The following CYLD variants were observed in gnomAD, a reference collection of about 807,000 sequenced individuals.
CYLD encodes the protein ubiquitin carboxyl-terminal hydrolase CYLD.
Under a neutral mutation model 104.5 loss-of-function variants are expected in CYLD, and 26 were observed. That is an observed-to-expected ratio of 0.25 (90% CI 0.18 to 0.35). The LOEUF is 0.35. Ranked by LOEUF, CYLD falls within the 10% of genes least tolerant of loss-of-function variation. The pLI is 1.00. For missense variants in CYLD, 703 were observed against 1,136.1 expected, an observed-to-expected ratio of 0.62 and a Z score of 5.48; for synonymous variants, 385 against 399.9, an observed-to-expected ratio of 0.96 and a Z score of 0.45.
chr16:50,796,627 C>A lies in CYLD; in HGVS notation c.*119C>A. ...AATGGATGTCTTTGTGGTGATGATCCTTCAGAAAAGGATGCCTCTGTTTAA... is the reference window on the plus strand; with the variant it reads ...AATGGATGTCTTTGTGGTGATGATCATTCAGAAAAGGATGCCTCTGTTTAA... On this transcript the variant is annotated 3_prime_UTR_variant, in exon 19 of 19. Transcript: ENST00000427738. 1 of 1,062,142 alleles carries A rather than the reference C, an allele frequency of 9.4e-7. No individual in the cohort carries two copies. Among genetic ancestry groups the A allele is most frequent in the Non-Finnish European group, 1.4e-6 (1 of 698,222 alleles). The allele number at this position is 1,062,142 out of a possible 1,614,324, so 65.8% of individuals were successfully genotyped here.
Position 50,755,757 on chromosome 16 carries a change from A to T in CYLD, c.913+1333A>T, listed in dbSNP as rs151338312. On this transcript the variant is annotated intron_variant, in intron 5 of 18. Transcript: ENST00000427738. Reference sequence around the variant, plus strand: ...TGTTTTTTTCTTGCTGATTTGTTTGAGTTCTTTGTAGATTCTATATATTAG... The same window carrying T: ...TGTTTTTTTCTTGCTGATTTGTTTGTGTTCTTTGTAGATTCTATATATTAG... Among the ~76,000 whole-genome samples, 1,099 of 151,934 alleles carry T rather than the reference A, an allele frequency of 7.2e-3. 9 individuals carry two copies. The highest frequency in any genetic ancestry group is 0.025 in the African/African-American group (1,020 of 41,404).
intron 14 of CYLD, among the ~76,000 whole-genome samples, 167 bp from the exon 15 acceptor site, chr16:50,791,391 A>G (rs985999962): frequency 6.6e-6 from 1 of 152,252 alleles, no homozygotes; most frequent in African/African-American, 2.4e-5. Flanking sequence ...AGCACATTTA[A>G]TTATTTTATC....
Position 50,749,739 on chromosome 16 carries a change from C to T in CYLD, c.41C>T (p.Pro14Leu). 1 of 1,613,766 alleles carries T rather than the reference C, an allele frequency of 6.2e-7. No individual in the cohort carries two copies. Among genetic ancestry groups the T allele is most frequent in the Non-Finnish European group, 8.5e-7 (1 of 1,179,974 alleles). The change falls in exon 3 of 19, where the codon CCC (proline) becomes CTC (leucine). Residue 14 changes from proline to leucine, a missense_variant. By Grantham distance (98) the Pro-to-Leu change is moderately conservative (BLOSUM62 -3). Around this residue, in one of 5 missense-constraint regions of CYLD, gnomAD observed 142 missense variants for 165.1 expected, o/e 0.86. Coordinates refer to ENST00000427738, the MANE Select transcript of CYLD (RefSeq NM_001378743.1). ...GLWSQEKVTS[P>L]YWEERIFYLL... ...TGGAGCCAAGAAAAAGTCACTTCACCCTACTGGGAAGAGCGGATTTTTTAC... is the reference window on the plus strand; with the variant it reads ...TGGAGCCAAGAAAAAGTCACTTCACTCTACTGGGAAGAGCGGATTTTTTAC...
In CYLD at chr16:50,798,348, A is replaced by T. The variant is rs2151051987; in HGVS notation, c.*1840A>T. ...AAGGATGGTTACATCCGTATTGAAC[A>T]TGTACAGACTTTTTTCTTGTCATTA... On this transcript the variant is annotated 3_prime_UTR_variant, in exon 19 of 19. Coordinates refer to ENST00000427738, the MANE Select transcript of CYLD (RefSeq NM_001378743.1). 1 of 232,092 alleles carries T rather than the reference A, an allele frequency of 4.3e-6. No homozygotes were observed. Among genetic ancestry groups the T allele is most frequent in the East Asian group, 6.1e-5 (1 of 16,358 alleles). 14.4% of individuals were successfully genotyped at this position (232,092 alleles called of 1,614,324 possible). A position where few individuals can be genotyped will look rare whatever the true frequency, so the allele number is the denominator to read the frequency against.
At chr16:50,745,362 G>GTTTTTTTTTTTTTTTTTT (rs535675323) in intron 2 of CYLD, among the ~76,000 whole-genome samples, 1 of 78,754 alleles carries the variant, frequency 1.3e-5, no homozygotes, top group African/African-American at 5.4e-5. Context: ...TTTCCTCTTT[G>GTTTTTTTTTTTTTTTTTT]TTTTTTTTTT....
At chr16:50,750,341 ATCCTT>A in intron 3 of CYLD, 139 bp downstream of exon 3, 5 of 993,330 alleles carry the variant, frequency 5.0e-6, no homozygotes, top group Non-Finnish European at 7.8e-6. Context: ...AATATTCATC[ATCCTT>A]GCTGATGAAT....
rs182153328 is a variant in CYLD at position 50,746,986 on chromosome 16, C to T, written c.-123-2590C>T. The stretch of plus-strand genomic sequence containing the variant: ...GATTGTAATATTTGAAGACATTGTT[C>T]TTAGGAATTTTAAAAAAGAATTTCT... On this transcript the variant is annotated intron_variant, in intron 2 of 18. Transcript: ENST00000427738. Among the ~76,000 whole-genome samples the T allele has an allele frequency of 9.2e-5, 14 of 152,132 alleles. 2 individuals carry two copies. The highest frequency in any genetic ancestry group is 3.4e-4 in the African/African-American group (14 of 41,526).
chr16:50,787,228 C>T (rs1183115537), intron 13 of CYLD: 1 of 403,628 alleles, frequency 2.5e-6, no homozygotes, highest in Non-Finnish European at 4.6e-6. Context: ...ATGATATTCT[C>T]AGTTGTTTCT....
chr16:50,742,288 G>T (rs1297470322), intron 1 of CYLD, 164 bp downstream of exon 1: 1 of 150,968 alleles, frequency 6.6e-6, no homozygotes, highest in East Asian at 1.9e-4. Flanking sequence ...CTGGCCTCAG[G>T]GCGTCCGGAG....
chr16:50,798,565 T>C lies in CYLD; in HGVS notation c.*2057T>C, dbSNP rs892379026. 2 of 229,694 alleles carry C rather than the reference T, an allele frequency of 8.7e-6. No individual in the cohort carries two copies. The highest frequency in any genetic ancestry group is 4.5e-5 in the African/African-American group (2 of 44,172). 14.2% of individuals were successfully genotyped at this position (229,694 alleles called of 1,614,324 possible). Reference sequence around the variant, plus strand: ...TGCAGGGATCCTGGAACCAAACCCCTGCAGATACTAAGGGCTGACGATCTA... The same window carrying C: ...TGCAGGGATCCTGGAACCAAACCCCCGCAGATACTAAGGGCTGACGATCTA... On this transcript the variant is annotated 3_prime_UTR_variant, in exon 19 of 19. Coordinates refer to ENST00000427738, the MANE Select transcript of CYLD (RefSeq NM_001378743.1).
chr16:50,795,462 A>T, intron 18 of CYLD: 1 of 692,024 alleles, frequency 1.4e-6, no homozygotes, highest in East Asian at 2.7e-5. Context: ...ACCTATAAGG[A>T]GTTTGCAGGT....
At chr16:50,771,775 A>G (rs566032067) in intron 5 of CYLD, among the ~76,000 whole-genome samples, 8 of 152,304 alleles carry the variant, frequency 5.3e-5, no homozygotes, top group African/African-American at 1.7e-4. Flanking sequence ...TAAAAAATCT[A>G]TGGATATCTA....
chr16:50,788,817 AG>A (rs1456028550), intron 14 of CYLD, among the ~76,000 whole-genome samples: 8 of 152,258 alleles, frequency 5.3e-5, no homozygotes, highest in Non-Finnish European at 1.2e-4. Flanking sequence ...AATATGAAAA[AG>A]TAATTTAATA....
At chr16:50,762,678 G>T (rs1968084229) in intron 5 of CYLD, among the ~76,000 whole-genome samples, 2 of 152,178 alleles carry the variant, frequency 1.3e-5, no homozygotes, top group South Asian at 2.1e-4. Context: ...AATTGGAGGA[G>T]AATTGACATT....
chr16:50,777,959 T>A lies in CYLD; in HGVS notation c.1138+18T>A. On this transcript the variant is annotated intron_variant, in intron 8 of 18. Coordinates refer to ENST00000427738, the MANE Select transcript of CYLD (RefSeq NM_001378743.1). ...TGATGAAGGTAATCAGTAATTTTAG[T>A]GTTCTTTATAATGATCCTTTCTTTC... 7.6e-7 allele frequency: 1 copy of A among 1,318,874 alleles called. No homozygotes were observed. Among genetic ancestry groups the A allele is most frequent in the Non-Finnish European group, 1.1e-6 (1 of 911,614 alleles). The allele number at this position is 1,318,874 out of a possible 1,614,324, so 81.7% of individuals were successfully genotyped here. A position where few individuals can be genotyped will look rare whatever the true frequency, so the allele number is the denominator to read the frequency against.
chr16:50,775,072 T>C, intron 5 of CYLD, 94 bp from the exon 6 acceptor site: 3 of 1,010,178 alleles, frequency 3.0e-6, no homozygotes, highest in Non-Finnish European at 4.5e-6. Flanking sequence ...TTAAGAAAAG[T>C]CTTTTCCTTG....
intron 18 of CYLD, among the ~76,000 whole-genome samples, chr16:50,795,309 C>A: frequency 6.6e-6 from 1 of 152,304 alleles, no homozygotes; most frequent in South Asian, 2.1e-4. Context: ...CATGTAGTAT[C>A]TTTCTCCCTG....
chr16:50,786,773 A>AT, intron 12 of CYLD, 82 bp from the exon 13 acceptor site: 2 of 1,089,636 alleles, frequency 1.8e-6, no homozygotes, highest in Non-Finnish European at 2.7e-6. Flanking sequence ...AAAAAAAAAA[A>AT]GAAAAAAAGA....
intron 15 of CYLD, 110 bp from the exon 16 acceptor site, chr16:50,792,487 C>T (rs1324392634): frequency 2.7e-6 from 2 of 730,936 alleles, no homozygotes; most frequent in South Asian, 1.6e-5. Flanking sequence ...TCATAGGACA[C>T]CAATATTAAG....
Sources: allele counts gnomAD v4.1 joint callset (sites outside exome capture counted in the v4.1 genomes callset), GRCh38; gene constraint gnomAD v4.1.1; regional missense constraint gnomAD v4.1.1; transcripts MANE v1.5; gene names NCBI Gene and HGNC (gene_info 2026-07-23, HGNC 2026-07-21).